Variants in PGCKA1 observed in about 807,000 individuals in gnomAD.
PGCKA1 encodes the protein PDCD10 and GCKIII kinases-associated protein 1.
At chr4:37,557,537 A>G in the PGCKA1 span, among the ~76,000 whole-genome samples, 1 of 152,182 alleles carries the variant, frequency 6.6e-6, no homozygotes, top group African/African-American at 2.4e-5. Flanking sequence ...TAACTTCATA[A>G]GGCAGATGGG....
chr4:37,532,620 G>A, the PGCKA1 span, among the ~76,000 whole-genome samples: 1 of 151,898 alleles, frequency 6.6e-6, no homozygotes, highest in African/African-American at 2.4e-5. Flanking sequence ...ACCACTAGCT[G>A]TAAGGTATAA....
the PGCKA1 span, among the ~76,000 whole-genome samples, chr4:37,543,608 G>A: frequency 3.3e-3 from 504 of 152,020 alleles, 1 homozygote; most frequent in Admixed American, 7.2e-3. Context: ...TTGGGAGGCC[G>A]AGGCAGGCGG....
the PGCKA1 span, among the ~76,000 whole-genome samples, chr4:37,484,677 CA>C: frequency 6.6e-6 from 1 of 152,156 alleles, no homozygotes; most frequent in African/African-American, 2.4e-5. Context: ...TATAAATTAC[CA>C]AGACTCCAGT....
At chr4:37,590,317 G>C in the PGCKA1 span, 1 of 1,613,814 alleles carries the variant, frequency 6.2e-7, no homozygotes, top group East Asian at 2.2e-5. Context: ...CCCACAGGGG[G>C]ACGCTGGAGG....
At chr4:37,460,350 C>A in the PGCKA1 span, 5 of 264,562 alleles carry the variant, frequency 1.9e-5, no homozygotes, top group African/African-American at 1.2e-4. Flanking sequence ...TGGGTATATA[C>A]CCAATAATGA....
the PGCKA1 span, among the ~76,000 whole-genome samples, chr4:37,561,041 C>T: frequency 1.6e-3 from 246 of 152,290 alleles, no homozygotes; most frequent in African/African-American, 5.4e-3. Flanking sequence ...TGCTGCAGCC[C>T]AGCATGCACC....
the PGCKA1 span, among the ~76,000 whole-genome samples, chr4:37,556,697 C>G: frequency 3.3e-5 from 5 of 152,144 alleles, no homozygotes; most frequent in African/African-American, 4.8e-5. Context: ...TTGGTGTCCC[C>G]TTGATGGCAT....
the PGCKA1 span, among the ~76,000 whole-genome samples, chr4:37,454,413 C>A: frequency 6.6e-6 from 1 of 152,194 alleles, no homozygotes; most frequent in Non-Finnish European, 1.5e-5. Flanking sequence ...CTTGAAAAAA[C>A]TGCAAGAGAT....
At chr4:37,549,576 T>C in the PGCKA1 span, among the ~76,000 whole-genome samples, 1 of 152,104 alleles carries the variant, frequency 6.6e-6, no homozygotes, top group Non-Finnish European at 1.5e-5. Context: ...CCAAAGGACA[T>C]CATTAGCTAA....
the PGCKA1 span, among the ~76,000 whole-genome samples, chr4:37,481,832 T>A: frequency 6.6e-6 from 1 of 152,158 alleles, no homozygotes; most frequent in African/African-American, 2.4e-5. Context: ...CCACGTGTCA[T>A]GGAAAGGACC....
At chr4:37,488,916 G>T in the PGCKA1 span, among the ~76,000 whole-genome samples, 5 of 152,020 alleles carry the variant, frequency 3.3e-5, no homozygotes, top group Admixed American at 6.6e-5. Flanking sequence ...TTATAAGTGG[G>T]TTTTTTTCAA....
chr4:37,582,669 C>T, the PGCKA1 span, among the ~76,000 whole-genome samples: 37 of 152,318 alleles, frequency 2.4e-4, no homozygotes, highest in East Asian at 6.7e-3. Context: ...CAGGAAATCA[C>T]AGAAGTGAGG....
chr4:37,526,995 G>A, the PGCKA1 span, among the ~76,000 whole-genome samples: 1 of 152,152 alleles, frequency 6.6e-6, no homozygotes, highest in Non-Finnish European at 1.5e-5. Flanking sequence ...AATAGGACAA[G>A]ATGTGGAGGT....
At chr4:37,559,721 G>A in the PGCKA1 span, among the ~76,000 whole-genome samples, 3 of 152,038 alleles carry the variant, frequency 2.0e-5, no homozygotes, top group African/African-American at 7.2e-5. Flanking sequence ...TAGGACCCAG[G>A]TACTGTGAAT....
At chr4:37,545,325 A>G in the PGCKA1 span, among the ~76,000 whole-genome samples, 1 of 152,062 alleles carries the variant, frequency 6.6e-6, no homozygotes, top group African/African-American at 2.4e-5. Context: ...CCTGCCCTCC[A>G]CTGTGTGTCC....
the PGCKA1 span, among the ~76,000 whole-genome samples, chr4:37,543,126 A>G: frequency 6.6e-6 from 1 of 152,152 alleles, no homozygotes; most frequent in African/African-American, 2.4e-5. Flanking sequence ...CTCAAACGAA[A>G]TCGCTCTTTT....
the PGCKA1 span, among the ~76,000 whole-genome samples, chr4:37,465,955 T>C: frequency 6.6e-6 from 1 of 152,204 alleles, no homozygotes; most frequent in Non-Finnish European, 1.5e-5. Flanking sequence ...AAGAATGCTT[T>C]GAACCGGCCA....
the PGCKA1 span, among the ~76,000 whole-genome samples, chr4:37,500,827 G>A: frequency 2.2e-4 from 33 of 152,182 alleles, no homozygotes; most frequent in African/African-American, 7.2e-4. Context: ...CATATATTTA[G>A]GATAGTTTCT....
chr4:37,560,560 G>A, the PGCKA1 span, among the ~76,000 whole-genome samples: 204 of 152,180 alleles, frequency 1.3e-3, 1 homozygote, highest in African/African-American at 4.5e-3. Context: ...CCTTTCAGTC[G>A]TTGCTCTTCC....
Sources: allele counts gnomAD v4.1 joint callset (sites outside exome capture counted in the v4.1 genomes callset), GRCh38; gene constraint gnomAD v4.1.1; transcripts MANE v1.5; gene names NCBI Gene and HGNC (gene_info 2026-07-23, HGNC 2026-07-21).